PRIM2: variants seen among roughly 807,000 people sequenced by gnomAD.
PRIM2 encodes the protein DNA primase large subunit.
In PRIM2, 39 loss-of-function variants were observed where a neutral mutation model predicts 67.3. That is an observed-to-expected ratio of 0.58 (90% CI 0.45 to 0.76). The LOEUF is 0.76. Ranked by LOEUF, PRIM2 falls within the 30% of genes least tolerant of loss-of-function variation. The pLI, the probability that PRIM2 is intolerant of heterozygous loss-of-function variation, is 0.00. For missense variants in PRIM2, 398 were observed against 598.7 expected, an observed-to-expected ratio of 0.66 and a Z score of 3.50; for synonymous variants, 143 against 198.7, an observed-to-expected ratio of 0.72 and a Z score of 2.36.
intron 7 of PRIM2, among the ~76,000 whole-genome samples, chr6:57,425,755 G>T (rs1771601569): frequency 6.6e-6 from 1 of 152,148 alleles, no homozygotes; most frequent in Admixed American, 6.5e-5. Flanking sequence ...GGAGGCCAGA[G>T]ATCTGAGGGA....
chr6:57,253,221 G>T, the PRIM2 span, among the ~76,000 whole-genome samples: 3 of 152,048 alleles, frequency 2.0e-5, no homozygotes, highest in Non-Finnish European at 4.4e-5. Context: ...GTAGTTAGGG[G>T]CAAAGAAACC....
intron 2 of PRIM2, among the ~76,000 whole-genome samples, chr6:57,319,077 G>T (rs948360883): frequency 7.2e-5 from 11 of 152,186 alleles, no homozygotes; most frequent in African/African-American, 2.7e-4. Context: ...CAGCAGAGAA[G>T]AAGTGAAGAG....
chr6:57,398,877 T>A (rs1770611021), intron 7 of PRIM2, among the ~76,000 whole-genome samples: 1 of 152,206 alleles, frequency 6.6e-6, no homozygotes. Context: ...TTTATTCAAT[T>A]GAAGTCTTTA....
At chr6:57,627,392 G>GTTTTGTT (rs1776969478) in intron 12 of PRIM2, among the ~76,000 whole-genome samples, 2 of 141,642 alleles carry the variant, frequency 1.4e-5, no homozygotes, top group African/African-American at 2.6e-5. Flanking sequence ...TTCTTTCTTT[G>GTTTTGTT]TTTTGTTTTT....
At chr6:57,603,945 C>A (rs1381747944) in intron 11 of PRIM2, among the ~76,000 whole-genome samples, 4 of 152,070 alleles carry the variant, frequency 2.6e-5, no homozygotes, top group Non-Finnish European at 4.4e-5. Flanking sequence ...TTTTTGGTGG[C>A]TACTGTAAAC....
intron 7 of PRIM2, among the ~76,000 whole-genome samples, chr6:57,437,841 A>G (rs565280944): frequency 6.6e-6 from 1 of 151,852 alleles, no homozygotes; most frequent in East Asian, 1.9e-4. Context: ...ATTTTTGTAT[A>G]TCTGGTAGGG....
At chr6:57,347,449 ACTT>A (rs67770716) in intron 5 of PRIM2, among the ~76,000 whole-genome samples, 19,200 of 151,854 alleles carry the variant, frequency 0.13, 1,352 homozygotes, top group African/African-American at 0.18. Flanking sequence ...AAAAAATTTA[ACTT>A]CTTCTTCTGT....
Position 57,353,913 on chromosome 6 carries a change from G to T in PRIM2, c.460-25988G>T, listed in dbSNP as rs1387361882. On this transcript the variant is annotated intron_variant, in intron 5 of 13. Coordinates refer to ENST00000615550, the MANE Select transcript of PRIM2 (RefSeq NM_000947.5). Reference sequence around the variant, plus strand: ...TTAGCTAATAGGGGTGCTTCGGGTGGGTTAAGAGAAGAAATACTTTTTTCA... The same window carrying T: ...TTAGCTAATAGGGGTGCTTCGGGTGTGTTAAGAGAAGAAATACTTTTTTCA... 2.0e-5 allele frequency among the ~76,000 whole-genome samples: 3 copies of T among 152,084 alleles called. No individual in the cohort carries two copies. In the South Asian group the frequency reaches 6.2e-4, roughly 32 times the overall value.
At chr6:57,434,056 C>T (rs539959610) in intron 7 of PRIM2, among the ~76,000 whole-genome samples, 1 of 151,842 alleles carries the variant, frequency 6.6e-6, no homozygotes, top group Non-Finnish European at 1.5e-5. Context: ...TCCCTGGCAG[C>T]TGGGATTACA....
intron 7 of PRIM2, among the ~76,000 whole-genome samples, chr6:57,481,852 G>A (rs1464670986): frequency 6.6e-6 from 1 of 152,144 alleles, no homozygotes; most frequent in Non-Finnish European, 1.5e-5. Flanking sequence ...GGCTAATGAT[G>A]TTGAACTTTC....
At chr6:57,285,624 A>C in the PRIM2 span, among the ~76,000 whole-genome samples, 10 of 152,226 alleles carry the variant, frequency 6.6e-5, no homozygotes, top group African/African-American at 2.4e-4. Flanking sequence ...AGCATATCTC[A>C]AAATAATAAG....
chr6:57,479,778 G>C (rs1237617331), intron 7 of PRIM2, among the ~76,000 whole-genome samples: 1 of 152,168 alleles, frequency 6.6e-6, no homozygotes, highest in East Asian at 1.9e-4. Flanking sequence ...GGTTGTTGTT[G>C]TTTGCTTATC....
chr6:57,487,471 C>A (rs1773781090), intron 7 of PRIM2, among the ~76,000 whole-genome samples: 1 of 152,212 alleles, frequency 6.6e-6, no homozygotes, highest in Non-Finnish European at 1.5e-5. Flanking sequence ...TCAAGTGATC[C>A]TCCCACCTTG....
chr6:57,464,382 A>T (rs1399152647), intron 7 of PRIM2, among the ~76,000 whole-genome samples: 1 of 151,516 alleles, frequency 6.6e-6, no homozygotes, highest in Non-Finnish European at 1.5e-5. Flanking sequence ...GGTTCAAGTG[A>T]TTCTCCTTCC....
intron 10 of PRIM2, among the ~76,000 whole-genome samples, chr6:57,565,350 T>C (rs1775717319): frequency 1.3e-5 from 2 of 148,884 alleles, no homozygotes; most frequent in South Asian, 4.5e-4. Flanking sequence ...GCTCTCTCTA[T>C]ATAAAGATAT....
chr6:57,260,135 C>G, the PRIM2 span, among the ~76,000 whole-genome samples: 5 of 152,094 alleles, frequency 3.3e-5, no homozygotes, highest in Non-Finnish European at 5.9e-5. Context: ...TGGTGAAGGG[C>G]AAAGATATAG....
At chr6:57,323,816 T>C (rs559735391) in intron 3 of PRIM2, among the ~76,000 whole-genome samples, 93 of 150,464 alleles carry the variant, frequency 6.2e-4, no homozygotes, top group African/African-American at 2.2e-3. Flanking sequence ...TGGGACTGGG[T>C]GTGGTGGCTC....
intron 8 of PRIM2, among the ~76,000 whole-genome samples, chr6:57,517,273 A>C (rs1554348377): frequency 6.6e-6 from 1 of 152,218 alleles, no homozygotes; most frequent in Non-Finnish European, 1.5e-5. Flanking sequence ...TGTTAGTCAT[A>C]AAACACTAAC....
In PRIM2 at chr6:57,537,459, C is replaced by A; in HGVS notation, c.854C>A (p.Pro285Gln). 1 of 1,432,504 alleles carries A rather than the reference C, an allele frequency of 7.0e-7. No homozygotes were observed. The highest frequency in any genetic ancestry group is 9.6e-7 in the Non-Finnish European group (1 of 1,042,668). The allele number at this position is 1,432,504 out of a possible 1,614,324, so 88.7% of individuals were successfully genotyped here. ...TTGTAGCTTTCTACCAAATCCTTCC[C>A]ACCTTGCATGCGTCAGTTACATAAA... ...QIDLLSTKSF[P>Q]PCMRQLHKAL... Residue 285 changes from proline (P) to glutamine (Q), a missense_variant, in exon 10 of 14, where the codon CCA becomes CAA. Pro to Gln is a moderately conservative substitution (Grantham distance 76). Coordinates refer to ENST00000615550, the MANE Select transcript of PRIM2 (RefSeq NM_000947.5).
Sources: allele counts gnomAD v4.1 joint callset (sites outside exome capture counted in the v4.1 genomes callset), GRCh38; gene constraint gnomAD v4.1.1; transcripts MANE v1.5; gene names NCBI Gene and HGNC (gene_info 2026-07-23, HGNC 2026-07-21).